The following PRDM16 variants were observed in gnomAD, a reference collection of about 807,000 sequenced individuals.
PRDM16 encodes histone-lysine N-methyltransferase PRDM16.
A neutral mutation model predicts 110.6 loss-of-function variants in PRDM16; 23 were observed. That is an observed-to-expected ratio of 0.21 (90% CI 0.15 to 0.29). PRDM16 has a LOEUF of 0.29. Among genes scored for constraint, PRDM16 ranks in the 10% least tolerant of loss-of-function variants. The pLI is 1.00. For missense variants in PRDM16, 1,615 were observed against 1,794.3 expected (o/e 0.90, Z 1.81); for synonymous variants, 799 against 781.8 (o/e 1.02, Z -0.37).
At chr1:3,210,968 G>T (rs907941196) in intron 2 of PRDM16, among the ~76,000 whole-genome samples, 1 of 152,152 alleles carries the variant, frequency 6.6e-6, no homozygotes, top group African/African-American at 2.4e-5. Context: ...ATATCGATTT[G>T]TCCACGCATT....
intron 3 of PRDM16, among the ~76,000 whole-genome samples, chr1:3,343,529 C>CT (rs1642309624): frequency 1.3e-5 from 2 of 150,404 alleles, no homozygotes; most frequent in African/African-American, 2.5e-5. Flanking sequence ...TTTTGCTTTA[C>CT]TTCCTAGCTC....
At chr1:3,163,642 C>T in intron 1 of PRDM16, among the ~76,000 whole-genome samples, 1 of 151,772 alleles carries the variant, frequency 6.6e-6, no homozygotes, top group South Asian at 2.1e-4. Context: ...CGGGGCGGTC[C>T]TTTGGAGGCT....
intron 3 of PRDM16, among the ~76,000 whole-genome samples, chr1:3,380,706 T>G: frequency 6.6e-6 from 1 of 152,150 alleles, no homozygotes; most frequent in East Asian, 1.9e-4. Context: ...GGGTTAGTAC[T>G]CAGGCCGCAC....
intron 4 of PRDM16, among the ~76,000 whole-genome samples, chr1:3,385,654 G>C (rs1032003805): frequency 6.6e-6 from 1 of 152,192 alleles, no homozygotes; most frequent in Non-Finnish European, 1.5e-5. Context: ...CATAGAGCAG[G>C]AACAGTCACT....
intron 3 of PRDM16, among the ~76,000 whole-genome samples, chr1:3,253,173 G>A (rs1557559735): frequency 1.3e-5 from 2 of 151,612 alleles, no homozygotes; most frequent in African/African-American, 4.9e-5. Flanking sequence ...GGAAAATAAG[G>A]CACCACACTC....
chr1:3,321,167 G>GT (rs1491271425), intron 3 of PRDM16, among the ~76,000 whole-genome samples: 1 of 152,236 alleles, frequency 6.6e-6, no homozygotes, highest in Non-Finnish European at 1.5e-5. Flanking sequence ...GGAATCTGAG[G>GT]TGTGTGTGGA....
In PRDM16 at chr1:3,359,850, G is replaced by T. The variant is rs535482538; in HGVS notation, c.439-25302G>T. 1.4e-5 allele frequency among the ~76,000 whole-genome samples: 2 copies of T among 141,858 alleles called. No homozygotes were observed. Among genetic ancestry groups the T allele is most frequent in the African/African-American group, 6.3e-5 (2 of 31,732 alleles). 93.1% of individuals were successfully genotyped at this position (141,858 alleles called of 152,430 possible). ...GATGTTTACTTAGAAGGTGGCACCC[G>T]ACAAGGGCTTCCAATGTGTTCCATG... On this transcript the variant is annotated intron_variant, in intron 3 of 16. Transcript: ENST00000270722. The surrounding 1 kb of genome is among the most constrained non-coding windows in gnomAD (Gnocchi z 4.3).
At chr1:3,136,705 C>T (rs1458756310) in intron 1 of PRDM16, among the ~76,000 whole-genome samples, 1 of 152,126 alleles carries the variant, frequency 6.6e-6, no homozygotes, top group Admixed American at 6.5e-5. Flanking sequence ...CCCCACCGCC[C>T]CCTGCTTCTC....
chr1:3,405,936 C>A (rs1203435348), intron 8 of PRDM16, among the ~76,000 whole-genome samples: 3 of 152,162 alleles, frequency 2.0e-5, no homozygotes, highest in Non-Finnish European at 4.4e-5. Context: ...TGGGAGGGAC[C>A]AGGGTCCTGC....
At position 3,426,172 on chromosome 1, in the gene PRDM16, A is replaced by G. The variant is rs1247506811; in HGVS notation, c.3231A>G (p.Arg1077=). The change falls in exon 14 of 17, where the codon AGA becomes AGG. Residue 1077 remains arginine, a synonymous_variant. Transcript: ENST00000270722. ...AAGACTCTTATTTCTCGGAAATCAG[A>G]AACTTTATTGCCAATAGTGAGATGA... The part of the protein sequence containing the change: ...EKEDSYFSEI[R]NFIANSEMNQ... 1.9e-6 allele frequency: 3 copies of G among 1,613,992 alleles called. No homozygotes were observed. The highest frequency in any genetic ancestry group is 2.5e-6 in the Non-Finnish European group (3 of 1,179,952).
chr1:3,297,576 G>A (rs988112464), intron 3 of PRDM16, among the ~76,000 whole-genome samples: 23 of 152,088 alleles, frequency 1.5e-4, no homozygotes, highest in African/African-American at 5.1e-4. Context: ...GAACCACTGC[G>A]CCCGGCCTGA....
At chr1:3,355,337 T>C (rs1433840222) in intron 3 of PRDM16, among the ~76,000 whole-genome samples, 1 of 151,900 alleles carries the variant, frequency 6.6e-6, no homozygotes, top group Admixed American at 6.5e-5. Flanking sequence ...CCACCCACCA[T>C]CTGACCTCAC....
intron 3 of PRDM16, among the ~76,000 whole-genome samples, chr1:3,378,917 C>G (rs936367475): frequency 1.3e-5 from 2 of 151,962 alleles, no homozygotes; most frequent in African/African-American, 4.8e-5. Context: ...TCAGGAGTTC[C>G]CAGATGGGTC....
rs982402746 is a variant in PRDM16, at chr1:3,255,581, C to G, written c.438+11444C>G. Among the ~76,000 whole-genome samples, 1 of 152,220 alleles carries G rather than the reference C, an allele frequency of 6.6e-6. No homozygotes were observed. Among genetic ancestry groups the G allele is most frequent in the African/African-American group, 2.4e-5 (1 of 41,456 alleles). ...GGGAGACACAAGCCATCCCCTAACT[C>G]TGTGGCTCGAAACAGCACACGGTGC... On this transcript the variant is annotated intron_variant, in intron 3 of 16. Transcript: ENST00000270722. This position sits in a 1 kb window ranked among gnomAD's most constrained non-coding sequence, Gnocchi z 4.7.
chr1:3,197,374 C>T (rs1227342718), intron 2 of PRDM16, among the ~76,000 whole-genome samples: 5 of 152,198 alleles, frequency 3.3e-5, no homozygotes, highest in Non-Finnish European at 5.9e-5. Context: ...CCCAGCTCGT[C>T]GTGGGCACTC....
chr1:3,086,210 G>T (rs112443386), intron 1 of PRDM16, among the ~76,000 whole-genome samples: 156 of 152,274 alleles, frequency 1.0e-3, no homozygotes, highest in Non-Finnish European at 1.9e-3. Flanking sequence ...TCGTGAGTGC[G>T]TGAGGCCTTA....
chr1:3,248,838 G>A (rs544337030), intron 3 of PRDM16, among the ~76,000 whole-genome samples: 6 of 152,220 alleles, frequency 3.9e-5, no homozygotes, highest in African/African-American at 1.2e-4. Flanking sequence ...GTTTTCTATA[G>A]CCCGGCCCGG....
At chr1:3,367,317 G>A (rs900251571) in intron 3 of PRDM16, among the ~76,000 whole-genome samples, 2 of 152,134 alleles carry the variant, frequency 1.3e-5, no homozygotes, top group African/African-American at 2.4e-5. Flanking sequence ...TAGTGTTTGC[G>A]GCTCAAGAAC....
intron 3 of PRDM16, among the ~76,000 whole-genome samples, chr1:3,371,189 C>G (rs1642899437): frequency 9.9e-6 from 1 of 101,326 alleles, no homozygotes; most frequent in South Asian, 4.1e-4. Flanking sequence ...ATCCATCCAT[C>G]CATCCATCCA....
Sources: allele counts gnomAD v4.1 joint callset (sites outside exome capture counted in the v4.1 genomes callset), GRCh38; gene constraint gnomAD v4.1.1; non-coding constraint Gnocchi (gnomAD v3.1); transcripts MANE v1.5; gene names NCBI Gene and HGNC (gene_info 2026-07-23, HGNC 2026-07-21).